PAFAH1B1: variants seen among roughly 807,000 people sequenced by gnomAD.
The protein encoded by PAFAH1B1 is platelet activating factor acetylhydrolase 1b regulatory subunit 1, also known as platelet-activating factor acetylhydrolase IB subunit beta.
PAFAH1B1 carries 2 observed loss-of-function variants against 57.5 expected under a neutral mutation model. The observed-to-expected ratio is 0.03, with a 90% CI of 0.01 to 0.11. The LOEUF is 0.11. PAFAH1B1 is among the 10% of genes least tolerant of loss of function. PAFAH1B1 has a pLI of 1.00. For missense variants in PAFAH1B1, 257 were observed against 512.0 expected (o/e 0.50, Z 4.81); for synonymous variants, 152 against 169.6 (o/e 0.90, Z 0.81).
At chr17:2,663,627 A>G (rs866773888) in intron 2 of PAFAH1B1, among the ~76,000 whole-genome samples, 2 of 151,880 alleles carry the variant, frequency 1.3e-5, no homozygotes, top group Non-Finnish European at 1.5e-5. Context: ...AAGGTTCTAC[A>G]TTAACTGGAT....
intron 10 of PAFAH1B1, chr17:2,681,465 T>C: frequency 2.6e-6 from 1 of 377,968 alleles, no homozygotes; most frequent in South Asian, 4.4e-5. Flanking sequence ...TCTGGCTCAG[T>C]GTGATGGAGG....
intron 1 of PAFAH1B1, among the ~76,000 whole-genome samples, chr17:2,629,857 C>T (rs1430440089): frequency 6.6e-6 from 1 of 152,172 alleles, no homozygotes; most frequent in Non-Finnish European, 1.5e-5. Flanking sequence ...TCTCTTTTAA[C>T]CGCTGTTGCT....
intron 1 of PAFAH1B1, among the ~76,000 whole-genome samples, chr17:2,615,555 C>G (rs78539547): frequency 6.6e-6 from 1 of 151,958 alleles, no homozygotes; most frequent in African/African-American, 2.4e-5. Context: ...ATTCTCCTGC[C>G]TTAGCCTCCC....
intron 5 of PAFAH1B1, among the ~76,000 whole-genome samples, chr17:2,667,950 A>G (rs2069130170): frequency 6.6e-6 from 1 of 151,964 alleles, no homozygotes; most frequent in African/African-American, 2.4e-5. Context: ...GATAGTTGCA[A>G]TATAGGTAGA....
intron 2 of PAFAH1B1, among the ~76,000 whole-genome samples, chr17:2,664,751 G>C (rs776355439): frequency 5.4e-5 from 8 of 149,370 alleles, no homozygotes; most frequent in African/African-American, 7.4e-5. Flanking sequence ...TTGTATAAAG[G>C]GTACTCAAAC....
rs567473909 is a variant in PAFAH1B1 at position 2,680,336 on chromosome 17, G to A, written c.1159+16G>A. 10 of 1,611,682 alleles carry A rather than the reference G, an allele frequency of 6.2e-6. No homozygotes were observed. Among genetic ancestry groups the A allele is most frequent in the East Asian group, 2.2e-5 (1 of 44,884 alleles). On this transcript the variant is annotated intron_variant, in intron 10 of 10. Coordinates refer to ENST00000397195, the MANE Select transcript of PAFAH1B1 (RefSeq NM_000430.4). The stretch of plus-strand genomic sequence containing the variant: ...ACCTCCTTGGGTATGTACGCCTCGC[G>A]AGGTCTCTGAACATTAGATTTTGGA...
chr17:2,600,734 A>G (rs181449049), intron 1 of PAFAH1B1, among the ~76,000 whole-genome samples: 1 of 152,086 alleles, frequency 6.6e-6, no homozygotes, highest in East Asian at 1.9e-4. Flanking sequence ...TATTTTGGTT[A>G]AGTTTTTCTT....
rs4790354 is a variant in PAFAH1B1 at position 2,676,159 on chromosome 17, T to C, written c.901-346T>C. On this transcript the variant is annotated intron_variant, in intron 8 of 10. Transcript: ENST00000397195. ...GAGGCCGAGGTGGGCCGATCGATCA[T>C]CTGAGGTTAGGAGTTCAAGACCAGC... Among the ~76,000 whole-genome samples the C allele has an allele frequency of 0.99, 151,338 of 152,368 alleles. 75,168 individuals are homozygous for C. The highest frequency in any genetic ancestry group is 1 in the East Asian group (5,186 of 5,186).
At chr17:2,626,888 CT>C (rs2068501100) in intron 1 of PAFAH1B1, among the ~76,000 whole-genome samples, 1 of 152,024 alleles carries the variant, frequency 6.6e-6, no homozygotes, top group Non-Finnish European at 1.5e-5. Context: ...ATTTGTATAT[CT>C]TCTTTTGAGA....
chr17:2,681,898 C>G lies in PAFAH1B1; in HGVS notation c.*96C>G. The G allele has an allele frequency of 1.2e-6, 1 of 837,466 alleles. No homozygotes were observed. Among genetic ancestry groups the G allele is most frequent in the Non-Finnish European group, 1.9e-6 (1 of 523,584 alleles). The allele number at this position is 837,466 out of a possible 1,614,324, so 51.9% of individuals were successfully genotyped here. A position where few individuals can be genotyped will look rare whatever the true frequency, so the allele number is the denominator to read the frequency against. Reference sequence around the variant, plus strand: ...TGAGCTCTGTTTAAATAAATATTGTCCTTTCATGTAAATTATTCTGGATGT... The same window carrying G: ...TGAGCTCTGTTTAAATAAATATTGTGCTTTCATGTAAATTATTCTGGATGT... On this transcript the variant is annotated 3_prime_UTR_variant, in exon 11 of 11. Coordinates refer to ENST00000397195, the MANE Select transcript of PAFAH1B1 (RefSeq NM_000430.4).
chr17:2,663,732 C>CT (rs1480912456), intron 2 of PAFAH1B1, among the ~76,000 whole-genome samples: 1 of 148,840 alleles, frequency 6.7e-6, no homozygotes, highest in East Asian at 2.0e-4. Context: ...GAGTTTCACT[C>CT]TGTTTCCCAG....
chr17:2,651,149 C>G (rs187569529), intron 2 of PAFAH1B1, among the ~76,000 whole-genome samples: 3 of 151,962 alleles, frequency 2.0e-5, no homozygotes, highest in African/African-American at 7.2e-5. Context: ...ATCCACATGC[C>G]GAAACATTTA....
chr17:2,645,928 C>T (rs1597548752), intron 2 of PAFAH1B1, among the ~76,000 whole-genome samples: 1 of 151,884 alleles, frequency 6.6e-6, no homozygotes, highest in East Asian at 1.9e-4. Context: ...TTCTAAATAG[C>T]TAAGGAGTTG....
intron 9 of PAFAH1B1, chr17:2,679,917 G>A (rs1297802332): frequency 2.0e-6 from 1 of 502,448 alleles, no homozygotes; most frequent in Non-Finnish European, 3.6e-6. Flanking sequence ...ATTTGTTCTT[G>A]TTATTTCCAT....
chr17:2,683,938 C>T lies in PAFAH1B1; in HGVS notation c.*2136C>T, dbSNP rs1263553527. 1 of 152,554 alleles carries T rather than the reference C, an allele frequency of 6.6e-6. No homozygotes were observed. Among genetic ancestry groups the T allele is most frequent in the Non-Finnish European group, 1.5e-5 (1 of 68,044 alleles). The allele number at this position is 152,554 out of a possible 1,614,324, so 9.5% of individuals were successfully genotyped here. A position where few individuals can be genotyped will look rare whatever the true frequency, so the allele number is the denominator to read the frequency against. ...GCATGAATTGTTTAAGGGTAAGCCA[C>T]AACATCTAGAAATCACTCATAGATA... is the stretch of plus-strand genomic sequence containing the variant. On this transcript the variant is annotated 3_prime_UTR_variant, in exon 11 of 11. Coordinates refer to ENST00000397195, the MANE Select transcript of PAFAH1B1 (RefSeq NM_000430.4).
At chr17:2,604,449 A>T (rs890325451) in intron 1 of PAFAH1B1, among the ~76,000 whole-genome samples, 1 of 152,036 alleles carries the variant, frequency 6.6e-6, no homozygotes, top group Non-Finnish European at 1.5e-5. Context: ...CATTTAGGCT[A>T]TTTCAGGGCC....
At chr17:2,652,838 A>G (rs764341398) in intron 2 of PAFAH1B1, among the ~76,000 whole-genome samples, 5 of 152,304 alleles carry the variant, frequency 3.3e-5, no homozygotes, top group East Asian at 3.9e-4. Flanking sequence ...AACTAGTTCA[A>G]CCGTTATGGA....
chr17:2,664,606 T>C (rs955947830), intron 2 of PAFAH1B1, among the ~76,000 whole-genome samples: 62 of 152,072 alleles, frequency 4.1e-4, no homozygotes, highest in African/African-American at 1.5e-3. Flanking sequence ...GGTTTCACCA[T>C]GTTGGCCAGG....
intron 2 of PAFAH1B1, among the ~76,000 whole-genome samples, chr17:2,663,233 G>C (rs977686106): frequency 6.6e-6 from 1 of 151,576 alleles, no homozygotes; most frequent in African/African-American, 2.4e-5. Context: ...AGTGGAGATC[G>C]CACCACTGCA....
Sources: allele counts gnomAD v4.1 joint callset (sites outside exome capture counted in the v4.1 genomes callset), GRCh38; gene constraint gnomAD v4.1.1; transcripts MANE v1.5; gene names NCBI Gene and HGNC (gene_info 2026-07-23, HGNC 2026-07-21).